MYO9B: variants seen among roughly 807,000 people sequenced by gnomAD.
MYO9B encodes unconventional myosin-IXb.
In MYO9B, 71 loss-of-function variants were observed where a neutral mutation model predicts 229.5. The ratio of observed to expected loss-of-function variants is 0.31; its 90% CI spans 0.26 to 0.38. MYO9B has a LOEUF of 0.38. Among genes scored for constraint, MYO9B ranks in the 10% least tolerant of loss-of-function variants. The pLI, the probability that MYO9B is intolerant of heterozygous loss-of-function variation, is 1.00. For missense variants in MYO9B, 2,255 were observed against 2,920.5 expected (o/e 0.77, Z 5.25); for synonymous variants, 1,185 against 1,235.8 (o/e 0.96, Z 0.86).
Position 17,172,849 on chromosome 19 carries a change from G to A in MYO9B, c.2026G>A (p.Gly676Ser), listed in dbSNP as rs770122131. ...CAGCTCCTACGTGCGGGAGCTCATC[G>A]GCATGGACCCCGTGGCCGTGTTCCG... ...SDSSYVRELI[G>S]MDPVAVFRWA... Residue 676 changes from glycine to serine, a missense_variant, in exon 13 of 40, where the codon GGC (glycine) becomes AGC (serine). Physicochemically the swap from Gly to Ser is moderately conservative, Grantham distance 56. This residue lies in a region of MYO9B where 220 missense variants were observed against 404.5 expected (regional missense o/e 0.54). Coordinates refer to ENST00000682292, the MANE Select transcript of MYO9B (RefSeq NM_004145.4). The surrounding 1 kb of genome is among the most constrained non-coding windows in gnomAD (Gnocchi z 8.2). The A allele has an allele frequency of 9.9e-6, 16 of 1,610,420 alleles. No individual in the cohort carries two copies. Among genetic ancestry groups the A allele is most frequent in the South Asian group, 2.2e-5 (2 of 91,080 alleles).
At chr19:17,180,094 A>T (rs1265216255) in intron 14 of MYO9B, among the ~76,000 whole-genome samples, 1 of 150,710 alleles carries the variant, frequency 6.6e-6, no homozygotes. Flanking sequence ...TTAGCCGGGC[A>T]TGGTGGTGCA....
Position 17,101,859 on chromosome 19 carries a change from A to G in MYO9B, c.142A>G (p.Ile48Val). The change falls in exon 2 of 40, where the codon ATC becomes GTC. Residue 48 changes from isoleucine to valine, a missense_variant. This residue lies in a region of MYO9B where 386 missense variants were observed against 515.2 expected (regional missense o/e 0.75). Transcript: ENST00000682292. The surrounding 1 kb of genome is among the most constrained non-coding windows in gnomAD (Gnocchi z 4.7). ...ATKDSTTSDV[I>V]KDAIASLRLD... ...CAAGGACAGCACCACCTCGGACGTC[A>G]TCAAGGACGCCATTGCCAGCCTGCG... 1 of 1,612,712 alleles carries G rather than the reference A, an allele frequency of 6.2e-7. No homozygotes were observed.
chr19:17,096,366 G>GT (rs1264927621), intron 1 of MYO9B, among the ~76,000 whole-genome samples: 1 of 151,998 alleles, frequency 6.6e-6, no homozygotes, highest in East Asian at 1.9e-4. Context: ...CTGCTGAAGT[G>GT]TTTTCTAAAG....
At chr19:17,190,509 T>C (rs1228250293) in intron 19 of MYO9B, among the ~76,000 whole-genome samples, 1 of 150,982 alleles carries the variant, frequency 6.6e-6, no homozygotes, top group East Asian at 2.1e-4. Flanking sequence ...TACAGGACTA[T>C]GTGCCGTAGT....
At chr19:17,185,123 C>G (rs10401919) in intron 17 of MYO9B, 136 bp downstream of exon 17, 39,766 of 1,300,354 alleles carry the variant, frequency 0.031, 786 homozygotes, top group African/African-American at 0.056. Flanking sequence ...AGCCTGTAAT[C>G]CCAGCACTTT....
chr19:17,117,616 C>T lies in MYO9B; in HGVS notation c.840+15059C>T, dbSNP rs187932471. Among the ~76,000 whole-genome samples the T allele has an allele frequency of 1.2e-3, 177 of 152,240 alleles. 1 individual carries two copies. The highest frequency in any genetic ancestry group is 1.6e-4 in the Non-Finnish European group (11 of 68,012). The stretch of plus-strand genomic sequence containing the variant: ...CACCTCTTTAAGGGAGAGTGAATTA[C>T]GGCCACCTCTGTCTTTGTCAGTGTC... On this transcript the variant is annotated intron_variant, in intron 2 of 39. Transcript: ENST00000682292.
chr19:17,209,927 C>T (rs1168846801), intron 36 of MYO9B, among the ~76,000 whole-genome samples: 1 of 152,086 alleles, frequency 6.6e-6, no homozygotes, highest in Non-Finnish European at 1.5e-5. Context: ...GTTCCCCGCC[C>T]ACTCCTACCA....
intron 2 of MYO9B, among the ~76,000 whole-genome samples, chr19:17,129,178 T>G (rs1401514806): frequency 1.3e-5 from 2 of 151,982 alleles, no homozygotes; most frequent in African/African-American, 4.8e-5. Context: ...GGCAGGTGGA[T>G]TGCCTGAGCT....
chr19:17,176,191 G>A lies in MYO9B; in HGVS notation c.2219+450G>A, dbSNP rs557033789. On this transcript the variant is annotated intron_variant, in intron 14 of 39. Transcript: ENST00000682292. Reference sequence around the variant, plus strand: ...ACTACAGGCACCCGCCACCACACCCGGCTAATTTCTTTTGTATTTTTTTTT... The same window carrying A: ...ACTACAGGCACCCGCCACCACACCCAGCTAATTTCTTTTGTATTTTTTTTT... 2.0e-4 allele frequency among the ~76,000 whole-genome samples: 30 copies of A among 152,120 alleles called. No individual in the cohort carries two copies. In the East Asian group the frequency reaches 5.6e-3, roughly 28 times the overall value.
chr19:17,166,719 A>G (rs545839695), intron 10 of MYO9B, among the ~76,000 whole-genome samples: 1 of 152,084 alleles, frequency 6.6e-6, no homozygotes, highest in East Asian at 1.9e-4. Context: ...TGTTCTCATC[A>G]TTTGGCTCCC....
intron 6 of MYO9B, among the ~76,000 whole-genome samples, chr19:17,155,909 A>G (rs1295665585): frequency 1.3e-5 from 2 of 151,912 alleles, no homozygotes; most frequent in East Asian, 3.9e-4. Context: ...AATCCCAGCT[A>G]CTCAGGAGGC....
chr19:17,187,777 G>A (rs912506555), intron 18 of MYO9B, among the ~76,000 whole-genome samples, 158 bp from the exon 19 acceptor site: 1 of 152,026 alleles, frequency 6.6e-6, no homozygotes, highest in African/African-American at 2.4e-5. Context: ...CAGCACCCAC[G>A]TGTGCACCCT....
At chr19:17,142,463 A>C (rs1016110197) in intron 2 of MYO9B, among the ~76,000 whole-genome samples, 2 of 152,088 alleles carry the variant, frequency 1.3e-5, no homozygotes, top group African/African-American at 4.8e-5. Flanking sequence ...GTCATGTTTT[A>C]CGCCAATTTT....
intron 2 of MYO9B, among the ~76,000 whole-genome samples, chr19:17,128,334 T>C (rs1283988410): frequency 1.3e-5 from 2 of 152,066 alleles, no homozygotes; most frequent in Non-Finnish European, 2.9e-5. Flanking sequence ...GAGGCTGCAG[T>C]GAGCTAGGAT....
At chr19:17,109,186 C>G (rs1336453440) in intron 2 of MYO9B, among the ~76,000 whole-genome samples, 2 of 151,880 alleles carry the variant, frequency 1.3e-5, no homozygotes, top group Non-Finnish European at 2.9e-5. Context: ...CTGCCTCAGC[C>G]TCCTGAGTAG....
At chr19:17,086,227 C>A (rs2057581581) in intron 1 of MYO9B, among the ~76,000 whole-genome samples, 1 of 152,186 alleles carries the variant, frequency 6.6e-6, no homozygotes, top group Non-Finnish European at 1.5e-5. Context: ...GAAGATCTGA[C>A]CTTCCCCATC....
intron 2 of MYO9B, 22 bp downstream of exon 2, chr19:17,102,579 T>C: frequency 6.5e-7 from 1 of 1,543,366 alleles, no homozygotes; most frequent in Non-Finnish European, 8.7e-7. Context: ...AGCTGGTCGG[T>C]CTGTGGGAGG....
At chr19:17,170,706 C>G (rs1455556923) in intron 11 of MYO9B, among the ~76,000 whole-genome samples, 1 of 147,176 alleles carries the variant, frequency 6.8e-6, no homozygotes, top group African/African-American at 2.6e-5. Flanking sequence ...CACCTATAGT[C>G]CCAGCTACTC....
At chr19:17,140,803 C>G (rs1448611812) in intron 2 of MYO9B, among the ~76,000 whole-genome samples, 5 of 148,116 alleles carry the variant, frequency 3.4e-5, no homozygotes, top group Non-Finnish European at 6.0e-5. Flanking sequence ...TAGATTTCAA[C>G]ATATAAAGTT....
Sources: allele counts gnomAD v4.1 joint callset (sites outside exome capture counted in the v4.1 genomes callset), GRCh38; gene constraint gnomAD v4.1.1; regional missense constraint gnomAD v4.1.1; non-coding constraint Gnocchi (gnomAD v3.1); transcripts MANE v1.5; gene names NCBI Gene and HGNC (gene_info 2026-07-23, HGNC 2026-07-21).